Variants in XIRP2 observed in about 807,000 individuals in gnomAD.
XIRP2 encodes the protein xin actin-binding repeat-containing protein 2.
In XIRP2, 236 loss-of-function variants were observed where a neutral mutation model predicts 277.0. The observed-to-expected ratio is 0.85, with a 90% CI of 0.77 to 0.95. The LOEUF is 0.95. Among genes scored for constraint, XIRP2 ranks in the 40% least tolerant of loss-of-function variants. The pLI is 0.00. For missense variants in XIRP2, 4,640 were observed against 4,157.5 expected (o/e 1.12, Z -3.19); for synonymous variants, 1,490 against 1,416.5 (o/e 1.05, Z -1.17).
At chr2:167,232,343 G>A (rs1694782511) in intron 5 of XIRP2, among the ~76,000 whole-genome samples, 1 of 151,900 alleles carries the variant, frequency 6.6e-6, no homozygotes, top group African/African-American at 2.4e-5. Flanking sequence ...ATTTCCACAT[G>A]TCAGGAGCCA....
In XIRP2 at chr2:166,910,038, A is replaced by C. The variant is rs1223719201; in HGVS notation, c.408+6148A>C. On this transcript the variant is annotated intron_variant, in intron 2 of 10. Transcript: ENST00000409195. ...CCAGTATTTTACTGAGGATTTAGGC[A>C]TCAATGTTCATCAGAGATATTGGTC... Among the ~76,000 whole-genome samples the C allele has an allele frequency of 1.2e-4, 18 of 152,210 alleles. No individual in the cohort carries two copies. In the East Asian group the frequency reaches 3.3e-3, roughly 28 times the overall value.
intron 2 of XIRP2, among the ~76,000 whole-genome samples, chr2:166,969,030 A>T (rs1686503220): frequency 6.6e-6 from 1 of 151,918 alleles, no homozygotes; most frequent in Non-Finnish European, 1.5e-5. Context: ...AAGGCTCTGG[A>T]CCCTCTTCCC....
At chr2:167,237,787 T>C (rs755869097) in intron 5 of XIRP2, among the ~76,000 whole-genome samples, 3 of 152,152 alleles carry the variant, frequency 2.0e-5, no homozygotes, top group African/African-American at 4.8e-5. Context: ...CACTGTTTAA[T>C]TGGTACTTCC....
intron 1 of XIRP2, among the ~76,000 whole-genome samples, chr2:166,900,786 G>A (rs746691330): frequency 5.3e-5 from 8 of 152,040 alleles, no homozygotes; most frequent in Non-Finnish European, 7.4e-5. Flanking sequence ...CTCAATACCA[G>A]TGGATGATGA....
chr2:167,150,156 A>C (rs879836384), intron 3 of XIRP2, among the ~76,000 whole-genome samples: 1 of 152,068 alleles, frequency 6.6e-6, no homozygotes, highest in African/African-American at 2.4e-5. Flanking sequence ...TCCTTAAAAA[A>C]AAATCGGTAG....
intron 3 of XIRP2, among the ~76,000 whole-genome samples, chr2:167,154,259 GT>G (rs1323595962): frequency 6.7e-6 from 1 of 149,590 alleles, no homozygotes; most frequent in Admixed American, 6.7e-5. Context: ...GGGGTTGTTT[GT>G]TTTTTTCTTG....
At chr2:167,240,039 T>C in intron 6 of XIRP2, 74 bp downstream of exon 6, 1 of 1,275,004 alleles carries the variant, frequency 7.8e-7, no homozygotes, top group Non-Finnish European at 1.1e-6. Flanking sequence ...GTTGTAAGCA[T>C]TTGCATTTAT....
chr2:166,962,455 T>C (rs1389805078), intron 2 of XIRP2, among the ~76,000 whole-genome samples: 2 of 151,730 alleles, frequency 1.3e-5, no homozygotes, highest in East Asian at 1.9e-4. Context: ...GATTTGTTTA[T>C]AGGGACTCTA....
At chr2:167,139,873 T>C (rs1399185059) in intron 3 of XIRP2, among the ~76,000 whole-genome samples, 2 of 152,238 alleles carry the variant, frequency 1.3e-5, no homozygotes, top group Non-Finnish European at 2.9e-5. Flanking sequence ...TAATTGCTAA[T>C]TTCATTGAAT....
intron 2 of XIRP2, among the ~76,000 whole-genome samples, chr2:167,072,607 G>A (rs1369793107): frequency 2.0e-5 from 3 of 152,082 alleles, no homozygotes; most frequent in Non-Finnish European, 2.9e-5. Flanking sequence ...CAGTGTGTCA[G>A]GCACTCAATA....
At chr2:167,160,631 A>G (rs1376011253) in intron 3 of XIRP2, among the ~76,000 whole-genome samples, 1 of 152,160 alleles carries the variant, frequency 6.6e-6, no homozygotes, top group Non-Finnish European at 1.5e-5. Flanking sequence ...TGAGAACAGC[A>G]TTGGAAAGAC....
At chr2:167,047,211 TA>T (rs1688807072) in intron 2 of XIRP2, among the ~76,000 whole-genome samples, 1 of 151,932 alleles carries the variant, frequency 6.6e-6, no homozygotes, top group African/African-American at 2.4e-5. Flanking sequence ...ACAACTAATT[TA>T]AAAGTTCAAG....
intron 3 of XIRP2, among the ~76,000 whole-genome samples, chr2:167,175,882 C>T (rs76328039): frequency 0.099 from 15,021 of 152,200 alleles, 794 homozygotes; most frequent in South Asian, 0.15. Flanking sequence ...AGCAGCTTTG[C>T]CTAGCTGTGG....
chr2:167,008,500 A>T (rs1270310543), intron 2 of XIRP2, among the ~76,000 whole-genome samples: 1 of 151,674 alleles, frequency 6.6e-6, no homozygotes, highest in African/African-American at 2.4e-5. Flanking sequence ...TACTCATGTT[A>T]CATGAGGTTA....
At chr2:167,096,132 C>T (rs1275860227) in intron 2 of XIRP2, among the ~76,000 whole-genome samples, 1 of 151,760 alleles carries the variant, frequency 6.6e-6, no homozygotes. Context: ...GGTGCCAGCT[C>T]CTCTTTGTAC....
chr2:166,950,066 TGTAG>T (rs1685987246), intron 2 of XIRP2, among the ~76,000 whole-genome samples: 1 of 152,062 alleles, frequency 6.6e-6, no homozygotes, highest in African/African-American at 2.4e-5. Context: ...ATAGTACTAG[TGTAG>T]TTAATTACAT....
intron 2 of XIRP2, among the ~76,000 whole-genome samples, chr2:167,001,087 G>C: frequency 6.6e-6 from 1 of 152,196 alleles, no homozygotes; most frequent in East Asian, 1.9e-4. Flanking sequence ...ATAATGATTA[G>C]TTTAATATTT....
intron 2 of XIRP2, among the ~76,000 whole-genome samples, chr2:166,954,576 C>T (rs1480170964): frequency 1.3e-5 from 2 of 151,736 alleles, no homozygotes; most frequent in Non-Finnish European, 2.9e-5. Flanking sequence ...GGGTATATAC[C>T]CAAAGGAACA....
intron 2 of XIRP2, among the ~76,000 whole-genome samples, chr2:167,028,918 G>A (rs1261566513): frequency 2.0e-5 from 3 of 151,260 alleles, no homozygotes; most frequent in Non-Finnish European, 4.4e-5. Flanking sequence ...AAATTTAATT[G>A]ACATACTGAA....
Sources: gnomAD v4.1 joint callset for allele counts (sites outside exome capture counted in the v4.1 genomes callset) on GRCh38, gnomAD v4.1.1 for gene constraint, MANE v1.5 for transcripts, NCBI Gene and HGNC (gene_info 2026-07-23, HGNC 2026-07-21) for gene names.